The following BTBD16 variants were observed in gnomAD, a reference collection of about 807,000 sequenced individuals.
BTBD16 encodes BTB domain containing 16.
A neutral mutation model predicts 67.4 loss-of-function variants in BTBD16; 66 were observed. The observed-to-expected ratio is 0.98, with a 90% CI of 0.80 to 1.20. The LOEUF (loss-of-function observed/expected upper bound fraction) is 1.20, where lower values mean the gene tolerates loss of function less well. Among genes scored for constraint, BTBD16 ranks in the 50% most tolerant of loss-of-function variants. The pLI is 0.00. For missense variants in BTBD16, 634 were observed against 616.0 expected, an observed-to-expected ratio of 1.03 and a Z score of -0.31; for synonymous variants, 242 against 236.4, an observed-to-expected ratio of 1.02 and a Z score of -0.22.
At chr10:122,311,990 T>G (rs1487653208) in intron 10 of BTBD16, among the ~76,000 whole-genome samples, 1 of 152,266 alleles carries the variant, frequency 6.6e-6, no homozygotes, top group Non-Finnish European at 1.5e-5. Flanking sequence ...TCTCATAGGA[T>G]ATTTCATTAT....
At chr10:122,304,197 G>C (rs1043721836) in intron 9 of BTBD16, among the ~76,000 whole-genome samples, 3 of 152,212 alleles carry the variant, frequency 2.0e-5, no homozygotes, top group African/African-American at 7.2e-5. Flanking sequence ...ACTTGGTCCT[G>C]TCTGGCCAGA....
intron 9 of BTBD16, among the ~76,000 whole-genome samples, chr10:122,305,398 G>T (rs1431524918): frequency 6.6e-6 from 1 of 152,174 alleles, no homozygotes; most frequent in African/African-American, 2.4e-5. Context: ...TAATGGCTTA[G>T]CACCATCCTC....
intron 1 of BTBD16, among the ~76,000 whole-genome samples, chr10:122,272,095 T>G (rs1590040239): frequency 6.6e-6 from 1 of 152,162 alleles, no homozygotes; most frequent in African/African-American, 2.4e-5. Context: ...TCCTGGCTCC[T>G]GTGAGGTAAA....
intron 5 of BTBD16, among the ~76,000 whole-genome samples, chr10:122,287,671 G>A (rs972176061): frequency 2.6e-5 from 4 of 152,272 alleles, no homozygotes; most frequent in South Asian, 2.1e-4. Context: ...CCTGTCTCAC[G>A]GTTATCACTT....
chr10:122,311,755 C>T (rs563203418), intron 10 of BTBD16, among the ~76,000 whole-genome samples: 5 of 152,354 alleles, frequency 3.3e-5, no homozygotes, highest in African/African-American at 7.2e-5. Context: ...CAGACCAGAA[C>T]AGGGGACATG....
At chr10:122,319,464 T>C (rs918711316) in intron 10 of BTBD16, among the ~76,000 whole-genome samples, 2 of 152,210 alleles carry the variant, frequency 1.3e-5, no homozygotes, top group African/African-American at 2.4e-5. Context: ...TTATTCAGTA[T>C]GATGTGTTGA....
intron 10 of BTBD16, among the ~76,000 whole-genome samples, chr10:122,327,300 G>A (rs73363957): frequency 0.021 from 3,140 of 152,292 alleles, 94 homozygotes; most frequent in African/African-American, 0.068. Context: ...AATACCACCA[G>A]GAACAATTGC....
intron 7 of BTBD16, chr10:122,295,479 A>G: frequency 1.0e-6 from 1 of 985,286 alleles, no homozygotes; most frequent in South Asian, 4.7e-5. Flanking sequence ...TGGGCTTGGG[A>G]GGGGAGAGTG....
chr10:122,327,700 G>T (rs970074441), intron 10 of BTBD16: 8 of 958,254 alleles, frequency 8.3e-6, no homozygotes, highest in African/African-American at 1.8e-5. Flanking sequence ...TCTCAACAAA[G>T]CTGTTTCCAA....
intron 7 of BTBD16, 131 bp from the exon 8 acceptor site, chr10:122,297,637 C>T (rs2096385686): frequency 2.2e-6 from 2 of 929,546 alleles, no homozygotes; most frequent in Non-Finnish European, 3.4e-6. Flanking sequence ...AATGTCCATA[C>T]CCCTAAAGCG....
chr10:122,324,660 C>G (rs1565019119), intron 10 of BTBD16, among the ~76,000 whole-genome samples: 1 of 152,116 alleles, frequency 6.6e-6, no homozygotes. Context: ...AAGAGGATTT[C>G]TCATTATCTG....
intron 13 of BTBD16, 191 bp downstream of exon 13, chr10:122,332,704 G>C (rs563497836): frequency 2.9e-6 from 2 of 687,198 alleles, no homozygotes; most frequent in African/African-American, 3.9e-5. Context: ...GAGGGGCCTG[G>C]GGCGGGCCAT....
At chr10:122,306,956 G>C (rs1023488433) in intron 9 of BTBD16, among the ~76,000 whole-genome samples, 3 of 152,140 alleles carry the variant, frequency 2.0e-5, no homozygotes, top group Admixed American at 2.0e-4. Context: ...GGGCACAGAG[G>C]GTGGGTGAAA....
intron 4 of BTBD16, 32 bp from the exon 5 acceptor site, chr10:122,286,073 T>TGTG (rs1490807023): frequency 6.3e-7 from 1 of 1,597,486 alleles, no homozygotes; most frequent in African/African-American, 1.3e-5. Context: ...ACGTTACTGA[T>TGTG]GTGTTTGCTC....
At chr10:122,317,553 A>G (rs948029900) in intron 10 of BTBD16, among the ~76,000 whole-genome samples, 20 of 152,254 alleles carry the variant, frequency 1.3e-4, no homozygotes, top group Non-Finnish European at 2.5e-4. Flanking sequence ...AGGCTGAGGC[A>G]GGAGAATGGC....
At position 122,283,857 on chromosome 10, in the gene BTBD16, C is replaced by G. The variant is rs1346542989; in HGVS notation, c.174C>G (p.Cys58Trp). ...EEALRNPDRL[C>W]ISQIQKFFFE... The stretch of plus-strand genomic sequence containing the variant: ...ATTTGCATTTTCCCTTGAGGTTATG[C>G]ATTTCACAAATCCAGAAGTTTTTCT... Residue 58 changes from cysteine to tryptophan, a missense_variant, in exon 4 of 16, where the codon TGC becomes TGG. Coordinates refer to ENST00000260723, the MANE Select transcript of BTBD16 (RefSeq NM_144587.5). 1 of 1,613,582 alleles carries G rather than the reference C, an allele frequency of 6.2e-7. No homozygotes were observed. The highest frequency in any genetic ancestry group is 8.5e-7 in the Non-Finnish European group (1 of 1,179,510).
intron 10 of BTBD16, among the ~76,000 whole-genome samples, chr10:122,308,556 T>A (rs1317629265): frequency 1.3e-5 from 2 of 152,188 alleles, no homozygotes; most frequent in African/African-American, 4.8e-5. Context: ...CCTCTCAATG[T>A]AGAGTGGGGG....
At chr10:122,332,990 T>C (rs964339476) in intron 13 of BTBD16, 3 of 984,700 alleles carry the variant, frequency 3.0e-6, no homozygotes, top group Non-Finnish European at 3.6e-6. Context: ...GGAGCTTGAT[T>C]GCAAGGCATC....
chr10:122,273,582 C>G (rs960571598), intron 1 of BTBD16, among the ~76,000 whole-genome samples: 1 of 151,950 alleles, frequency 6.6e-6, no homozygotes, highest in African/African-American at 2.4e-5. Flanking sequence ...AACCCTGGCT[C>G]TAGAAAAATT....
Sources: gnomAD v4.1 joint callset for allele counts (sites outside exome capture counted in the v4.1 genomes callset) on GRCh38, gnomAD v4.1.1 for gene constraint, MANE v1.5 for transcripts, NCBI Gene and HGNC (gene_info 2026-07-23, HGNC 2026-07-21) for gene names.